Variants in SPECC1L observed in about 807,000 individuals in gnomAD.
SPECC1L encodes sperm antigen with calponin homology and coiled-coil domains 1 like.
In SPECC1L, 40 loss-of-function variants were observed where a neutral mutation model predicts 116.8. The observed-to-expected ratio is 0.34, with a 90% CI of 0.27 to 0.45. The LOEUF is 0.45. Ranked by LOEUF, SPECC1L falls within the 20% of genes least tolerant of loss-of-function variation. The pLI is 1.00. For missense variants in SPECC1L, 1,110 were observed against 1,373.6 expected, an observed-to-expected ratio of 0.81 and a Z score of 3.03; for synonymous variants, 504 against 500.6, an observed-to-expected ratio of 1.01 and a Z score of -0.09.
rs200621491 is a variant in SPECC1L at position 24,270,902 on chromosome 22, A to C, written c.-223A>C. 6 of 152,366 alleles carry C rather than the reference A, an allele frequency of 3.9e-5. No homozygotes were observed. The highest frequency in any genetic ancestry group is 4.1e-4 in the South Asian group (2 of 4,834). The allele number at this position is 152,366 out of a possible 1,614,324, so 9.4% of individuals were successfully genotyped here. A position where few individuals can be genotyped will look rare whatever the true frequency, so the allele number is the denominator to read the frequency against. ...GGCTGCTTTCCTGAGGCCGGACTCA[A>C]CGGGTCTCGGCTGAGCCACCGGGTG... is the stretch of plus-strand genomic sequence containing the variant. On this transcript the variant is annotated 5_prime_UTR_variant, in exon 1 of 17. Coordinates refer to ENST00000314328, the MANE Select transcript of SPECC1L (RefSeq NM_015330.6).
chr22:24,326,441 G>A (rs1360234877), intron 6 of SPECC1L, among the ~76,000 whole-genome samples: 1 of 152,150 alleles, frequency 6.6e-6, no homozygotes, highest in African/African-American at 2.4e-5. Context: ...CCAGAGATAA[G>A]GATCAGGGCA....
At position 24,415,498 on chromosome 22, in the gene SPECC1L, A is replaced by G. The variant is rs1446235657; in HGVS notation, c.*875A>G. 6.6e-6 allele frequency: 1 copy of G among 152,648 alleles called. No homozygotes were observed. Among genetic ancestry groups the G allele is most frequent in the Non-Finnish European group, 1.5e-5 (1 of 68,052 alleles). The allele number at this position is 152,648 out of a possible 1,614,324, so 9.5% of individuals were successfully genotyped here. A position where few individuals can be genotyped will look rare whatever the true frequency, so the allele number is the denominator to read the frequency against. ...TTAGTACCAAAGTTACATTGTTTCA[A>G]TAAGCATAGAAATCTAAACAACATC... On this transcript the variant is annotated 3_prime_UTR_variant, in exon 17 of 17. Coordinates refer to ENST00000314328, the MANE Select transcript of SPECC1L (RefSeq NM_015330.6).
At position 24,416,985 on chromosome 22, in the gene SPECC1L, G is replaced by T. The variant is rs1447788986; in HGVS notation, c.*2362G>T. 1 of 152,308 alleles carries T rather than the reference G, an allele frequency of 6.6e-6. No homozygotes were observed. The highest frequency in any genetic ancestry group is 1.5e-5 in the Non-Finnish European group (1 of 68,068). 9.4% of individuals were successfully genotyped at this position (152,308 alleles called of 1,614,324 possible). On this transcript the variant is annotated 3_prime_UTR_variant, in exon 17 of 17. Coordinates refer to ENST00000314328, the MANE Select transcript of SPECC1L (RefSeq NM_015330.6). Reference sequence around the variant, plus strand: ...CATTGCCTTTTGCCTCGTCTAATAGGATCCTTAGGACACTGTGGGCTTTAG... The same window carrying T: ...CATTGCCTTTTGCCTCGTCTAATAGTATCCTTAGGACACTGTGGGCTTTAG...
At chr22:24,385,835 A>C (rs1601325373) in intron 14 of SPECC1L, among the ~76,000 whole-genome samples, 1 of 152,362 alleles carries the variant, frequency 6.6e-6, no homozygotes, top group Admixed American at 6.5e-5. Flanking sequence ...AACGAATAGA[A>C]AAAGCAAATG....
intron 10 of SPECC1L, among the ~76,000 whole-genome samples, chr22:24,345,646 G>A (rs2041276689): frequency 6.6e-6 from 1 of 152,130 alleles, no homozygotes; most frequent in African/African-American, 2.4e-5. Flanking sequence ...ATGGCCAATG[G>A]CACATGAAAA....
chr22:24,289,916 G>A (rs765066582), intron 2 of SPECC1L, among the ~76,000 whole-genome samples: 2 of 152,120 alleles, frequency 1.3e-5, no homozygotes, highest in Non-Finnish European at 2.9e-5. Context: ...AACGACAATG[G>A]CAACATCAAC....
intron 10 of SPECC1L, chr22:24,343,450 GTT>G: frequency 2.5e-6 from 1 of 402,622 alleles, no homozygotes. Flanking sequence ...AAATGGTTGT[GTT>G]TTTTTTTTGT....
chr22:24,284,542 C>T (rs1156274340), intron 2 of SPECC1L, among the ~76,000 whole-genome samples: 1 of 152,058 alleles, frequency 6.6e-6, no homozygotes, highest in African/African-American at 2.4e-5. Flanking sequence ...TCATGCCATT[C>T]TCCTGCCTCA....
chr22:24,315,641 C>T (rs1276272796), intron 4 of SPECC1L, among the ~76,000 whole-genome samples: 8 of 152,352 alleles, frequency 5.3e-5, no homozygotes, highest in African/African-American at 1.9e-4. Flanking sequence ...TTCTTACTGA[C>T]TGATGCTACC....
intron 14 of SPECC1L, among the ~76,000 whole-genome samples, chr22:24,378,939 C>T (rs5751856): frequency 0.4 from 60,042 of 151,876 alleles, 12,975 homozygotes; most frequent in Non-Finnish European, 0.48. Flanking sequence ...ATGATACCAA[C>T]AGACTTGTTT....
At chr22:24,325,085 T>G (rs1337022076) in intron 6 of SPECC1L, among the ~76,000 whole-genome samples, 5 of 152,180 alleles carry the variant, frequency 3.3e-5, no homozygotes, top group African/African-American at 1.2e-4. Context: ...AGAACAGCAG[T>G]TTGCCTGATC....
intron 2 of SPECC1L, among the ~76,000 whole-genome samples, chr22:24,296,162 C>A (rs147799299): frequency 0.034 from 5,113 of 152,218 alleles, 161 homozygotes; most frequent in African/African-American, 0.082. Flanking sequence ...TGAATTCAGA[C>A]CGTTGTTCCT....
At chr22:24,408,029 T>C (rs561234383) in intron 14 of SPECC1L, among the ~76,000 whole-genome samples, 6 of 152,178 alleles carry the variant, frequency 3.9e-5, no homozygotes, top group Admixed American at 6.5e-5. Flanking sequence ...TCTTGGCCTC[T>C]CGGAGCCTCA....
At chr22:24,337,078 G>A (rs745823441) in intron 9 of SPECC1L, among the ~76,000 whole-genome samples, 4 of 152,080 alleles carry the variant, frequency 2.6e-5, no homozygotes, top group Non-Finnish European at 5.9e-5. Context: ...TGCTTATGAT[G>A]GGTTTATCAG....
intron 5 of SPECC1L, 127 bp from the exon 6 acceptor site, chr22:24,324,093 G>T: frequency 1.3e-6 from 1 of 756,948 alleles, no homozygotes; most frequent in Non-Finnish European, 2.3e-6. Flanking sequence ...TTATTACACA[G>T]GTTGTTTTAG....
intron 8 of SPECC1L, among the ~76,000 whole-genome samples, chr22:24,333,485 TG>T (rs921465910): frequency 6.6e-6 from 1 of 151,988 alleles, no homozygotes; most frequent in African/African-American, 2.4e-5. Flanking sequence ...GAAATGGAAT[TG>T]ATTTTTTCAA....
intron 14 of SPECC1L, among the ~76,000 whole-genome samples, chr22:24,400,607 A>G (rs1322954482): frequency 1.3e-5 from 2 of 152,194 alleles, no homozygotes; most frequent in Non-Finnish European, 2.9e-5. Flanking sequence ...GCTGGGCCGT[A>G]TATTAACTCT....
intron 14 of SPECC1L, among the ~76,000 whole-genome samples, chr22:24,388,181 A>G (rs1471584141): frequency 2.6e-5 from 4 of 151,172 alleles, no homozygotes; most frequent in Non-Finnish European, 5.9e-5. Flanking sequence ...TGCTGCACCC[A>G]TCAACTCGTC....
chr22:24,361,590 G>A (rs1413252730), intron 11 of SPECC1L, among the ~76,000 whole-genome samples: 1 of 152,036 alleles, frequency 6.6e-6, no homozygotes, highest in Non-Finnish European at 1.5e-5. Context: ...AGGCTCAAGA[G>A]TTTGAGACCA....
Sources: allele counts gnomAD v4.1 joint callset (sites outside exome capture counted in the v4.1 genomes callset), GRCh38; gene constraint gnomAD v4.1.1; transcripts MANE v1.5; gene names NCBI Gene and HGNC (gene_info 2026-07-23, HGNC 2026-07-21).